NTRK2: variants seen among roughly 807,000 people sequenced by gnomAD.
The protein encoded by NTRK2 is BDNF/NT-3 growth factors receptor.
NTRK2 carries 13 observed loss-of-function variants against 94.5 expected under a neutral mutation model. The observed-to-expected ratio is 0.14, with a 90% CI of 0.09 to 0.22. The LOEUF (loss-of-function observed/expected upper bound fraction) is 0.22. Ranked by LOEUF, NTRK2 falls within the 10% of genes least tolerant of loss-of-function variation. NTRK2 has a pLI of 1.00. For synonymous variants in NTRK2, 372 were observed against 407.4 expected (o/e 0.91, Z 1.05); for missense variants, 639 against 1,071.2 (o/e 0.60, Z 5.63).
intron 12 of NTRK2, among the ~76,000 whole-genome samples, chr9:84,774,853 G>T (rs944906694): frequency 4.6e-5 from 7 of 152,122 alleles, no homozygotes; most frequent in African/African-American, 1.4e-4. Flanking sequence ...TGTCTCCCCA[G>T]TTGTAATTTT....
chr9:84,965,157 T>C (rs1242446758), intron 17 of NTRK2, among the ~76,000 whole-genome samples: 1 of 152,182 alleles, frequency 6.6e-6, no homozygotes, highest in Non-Finnish European at 1.5e-5. Flanking sequence ...AAGAAGGCTT[T>C]GAAAAAAAAT....
chr9:84,986,344 G>C (rs1176471753), intron 17 of NTRK2, among the ~76,000 whole-genome samples: 1 of 152,126 alleles, frequency 6.6e-6, no homozygotes, highest in African/African-American at 2.4e-5. Flanking sequence ...GGATGAAACT[G>C]TTCCACTTCA....
chr9:84,905,570 A>G (rs1564451756), intron 14 of NTRK2, among the ~76,000 whole-genome samples: 2 of 152,218 alleles, frequency 1.3e-5, no homozygotes, highest in South Asian at 4.1e-4. Context: ...TTTTAAAAGT[A>G]CATTACCCTT....
chr9:84,670,683 A>G lies in NTRK2; in HGVS notation c.-66A>G, dbSNP rs2058642973. 1 of 1,537,398 alleles carries G rather than the reference A, an allele frequency of 6.5e-7. No individual in the cohort carries two copies. Among genetic ancestry groups the G allele is most frequent in the Non-Finnish European group, 8.9e-7 (1 of 1,119,162 alleles). On this transcript the variant is annotated 5_prime_UTR_variant, in exon 2 of 19. Transcript: ENST00000277120. ...GCAAGCGCAGGGAAGGCCTCCCCGC[A>G]CGGGTGGGGGAAAGCGGCCGGTGCA...
chr9:84,834,794 A>G (rs1170454587), intron 12 of NTRK2, among the ~76,000 whole-genome samples: 2 of 152,182 alleles, frequency 1.3e-5, no homozygotes, highest in South Asian at 2.1e-4. Context: ...GTGCTGTCAT[A>G]TAGCTTAGCA....
intron 17 of NTRK2, among the ~76,000 whole-genome samples, chr9:84,980,868 G>A (rs114240373): frequency 0.011 from 1,677 of 152,320 alleles, 35 homozygotes; most frequent in African/African-American, 0.037. Flanking sequence ...GGAAACGAAA[G>A]TCAGGGTAGG....
chr9:84,702,446 C>T (rs2060791160), intron 4 of NTRK2, 27 bp downstream of exon 4: 1 of 1,579,388 alleles, frequency 6.3e-7, no homozygotes, highest in East Asian at 2.2e-5. Flanking sequence ...TCTTTTGCTT[C>T]CCAGGACCCA....
At chr9:84,832,427 T>C (rs924161166) in intron 12 of NTRK2, among the ~76,000 whole-genome samples, 2 of 152,222 alleles carry the variant, frequency 1.3e-5, no homozygotes, top group African/African-American at 4.8e-5. Flanking sequence ...TATTTCTTGC[T>C]GCAGAGATCC....
intron 12 of NTRK2, among the ~76,000 whole-genome samples, chr9:84,831,532 G>A (rs1290661588): frequency 6.6e-6 from 1 of 152,180 alleles, no homozygotes; most frequent in Non-Finnish European, 1.5e-5. Flanking sequence ...ATACCAGACA[G>A]TACTTTAAGT....
At chr9:84,990,711 G>T (rs924620920) in intron 17 of NTRK2, among the ~76,000 whole-genome samples, 1 of 152,124 alleles carries the variant, frequency 6.6e-6, no homozygotes, top group Non-Finnish European at 1.5e-5. Flanking sequence ...CATTACGTGC[G>T]CCAGCTCCTG....
At chr9:84,802,879 G>C (rs1187277) in intron 12 of NTRK2, among the ~76,000 whole-genome samples, 3 of 151,952 alleles carry the variant, frequency 2.0e-5, no homozygotes, top group Admixed American at 6.6e-5. Flanking sequence ...TTCTGTGCTC[G>C]TGACGTGAAT....
chr9:84,872,718 A>G, intron 14 of NTRK2: 1 of 1,064,474 alleles, frequency 9.4e-7, no homozygotes, highest in Non-Finnish European at 1.1e-6. Flanking sequence ...CCTTGTGTAT[A>G]TGTGTGTTTG....
intron 12 of NTRK2, among the ~76,000 whole-genome samples, chr9:84,834,857 A>G (rs1250373008): frequency 1.3e-5 from 2 of 152,176 alleles, no homozygotes; most frequent in Non-Finnish European, 2.9e-5. Context: ...AATTCTTAAT[A>G]TTTTATAAAT....
At chr9:84,716,016 G>T (rs1018837406) in intron 6 of NTRK2, among the ~76,000 whole-genome samples, 36 of 152,160 alleles carry the variant, frequency 2.4e-4, no homozygotes, top group African/African-American at 7.7e-4. Context: ...ATACATTTAA[G>T]AAAGGCAGTA....
Position 84,945,903 on chromosome 9 carries a change from A to G in NTRK2, c.1765-2559A>G, listed in dbSNP as rs373042139. On this transcript the variant is annotated intron_variant, in intron 15 of 18. Transcript: ENST00000277120. Reference sequence around the variant, plus strand: ...TAAAGTGAAAATAGTATTGATCCCGAGAGCGTGCCCTAATAAATGCCTCAC... The same window carrying G: ...TAAAGTGAAAATAGTATTGATCCCGGGAGCGTGCCCTAATAAATGCCTCAC... Among the ~76,000 whole-genome samples, 7 of 152,176 alleles carry G rather than the reference A, an allele frequency of 4.6e-5. No homozygotes were observed. The East Asian group carries it at 7.7e-4, about 17-fold the overall frequency.
intron 9 of NTRK2, among the ~76,000 whole-genome samples, chr9:84,736,470 G>A (rs1486351052): frequency 2.0e-5 from 3 of 152,208 alleles, no homozygotes; most frequent in South Asian, 2.1e-4. Context: ...TTAGTCTAAA[G>A]AACGAGGGGA....
At chr9:84,721,247 C>A (rs1417619015) in intron 6 of NTRK2, among the ~76,000 whole-genome samples, 2 of 151,662 alleles carry the variant, frequency 1.3e-5, no homozygotes, top group Non-Finnish European at 2.9e-5. Context: ...GCGAGCTTGG[C>A]TCACTGCAAG....
intron 14 of NTRK2, among the ~76,000 whole-genome samples, chr9:84,920,697 C>A (rs556664888): frequency 2.0e-5 from 3 of 152,320 alleles, no homozygotes; most frequent in South Asian, 4.1e-4. Context: ...AAAATCTCAT[C>A]CATTAGGACT....
chr9:84,689,350 A>T (rs74999771), intron 2 of NTRK2, among the ~76,000 whole-genome samples: 8,447 of 152,212 alleles, frequency 0.055, 396 homozygotes, highest in African/African-American at 0.12. Flanking sequence ...TTGGGACATT[A>T]ACCATTCGTG....
Sources: gnomAD v4.1 joint callset for allele counts (sites outside exome capture counted in the v4.1 genomes callset) on GRCh38, gnomAD v4.1.1 for gene constraint, MANE v1.5 for transcripts, NCBI Gene and HGNC (gene_info 2026-07-23, HGNC 2026-07-21) for gene names.